The following GPATCH1 variants were observed in gnomAD, a reference collection of about 807,000 sequenced individuals.
The protein encoded by GPATCH1 is G patch domain-containing protein 1.
A neutral mutation model predicts 114.9 loss-of-function variants in GPATCH1; 73 were observed. The observed-to-expected ratio is 0.64, with a 90% confidence interval of 0.53 to 0.77. The LOEUF is 0.77. GPATCH1 is among the 30% of genes least tolerant of loss of function. The probability of loss-of-function intolerance (pLI) is 0.00; values close to 1 mark genes in which losing one functional copy is unlikely to be tolerated. For missense variants in GPATCH1, 1,058 were observed against 1,144.3 expected (o/e 0.92, Z 1.09); for synonymous variants, 391 against 428.4 (o/e 0.91, Z 1.08).
intron 14 of GPATCH1, 98 bp downstream of exon 14, chr19:33,114,001 A>G: frequency 9.4e-7 from 1 of 1,063,202 alleles, no homozygotes; most frequent in Non-Finnish European, 1.4e-6. Flanking sequence ...TAACAATGTG[A>G]ATGGTGCATA....
chr19:33,098,448 GA>G (rs1019905325), intron 8 of GPATCH1, among the ~76,000 whole-genome samples: 22 of 152,218 alleles, frequency 1.4e-4, no homozygotes, highest in Non-Finnish European at 3.1e-4. Flanking sequence ...ATTTCAAGGT[GA>G]ATCAGATCCT....
At chr19:33,111,385 G>GAA (rs10709432) in intron 11 of GPATCH1, among the ~76,000 whole-genome samples, 22 of 88,030 alleles carry the variant, frequency 2.5e-4, no homozygotes, top group Non-Finnish European at 3.5e-4. Context: ...CTCCATCTCA[G>GAA]AAAAAAAAAA....
intron 9 of GPATCH1, among the ~76,000 whole-genome samples, chr19:33,103,172 G>A (rs1478188924): frequency 6.6e-6 from 1 of 152,182 alleles, no homozygotes; most frequent in Non-Finnish European, 1.5e-5. Flanking sequence ...GCTTTAATCA[G>A]CTTTTTGTTT....
intron 10 of GPATCH1, among the ~76,000 whole-genome samples, chr19:33,107,951 T>C (rs1026675292): frequency 6.6e-6 from 1 of 152,122 alleles, no homozygotes; most frequent in African/African-American, 2.4e-5. Context: ...GCTGCACCTA[T>C]TAACTCGTCA....
At chr19:33,113,938 A>C in intron 14 of GPATCH1, 35 bp downstream of exon 14, 2 of 1,603,236 alleles carry the variant, frequency 1.2e-6, no homozygotes, top group African/African-American at 1.3e-5. Flanking sequence ...CTGATTGACC[A>C]GGGCCTCAAC....
intron 8 of GPATCH1, among the ~76,000 whole-genome samples, chr19:33,099,558 A>C (rs1186845047): frequency 2.0e-5 from 3 of 151,224 alleles, no homozygotes; most frequent in Non-Finnish European, 2.9e-5. Context: ...CGGTGAATCT[A>C]TCTTTATTTT....
intron 15 of GPATCH1, among the ~76,000 whole-genome samples, chr19:33,115,789 C>T (rs1029033653): frequency 1.3e-5 from 2 of 152,162 alleles, no homozygotes; most frequent in Non-Finnish European, 2.9e-5. Flanking sequence ...GCCACCGCGC[C>T]TGGCTAAAGT....
At chr19:33,127,566 G>C (rs1333055150) in intron 19 of GPATCH1, among the ~76,000 whole-genome samples, 2 of 150,848 alleles carry the variant, frequency 1.3e-5, no homozygotes, top group Non-Finnish European at 3.0e-5. Flanking sequence ...TACAGCCAAT[G>C]CTTAAAGGAG....
rs985487841 is a variant in GPATCH1 at position 33,091,243 on chromosome 19, C to G, written c.294+378C>G. 2.6e-5 allele frequency among the ~76,000 whole-genome samples: 4 copies of G among 151,850 alleles called. No homozygotes were observed. The South Asian group carries it at 8.3e-4, about 32-fold the overall frequency. ...TGGCTAACACGGTGAAACCCCGTCT[C>G]TACTAAACAAAATACAAAAAATTAG... On this transcript the variant is annotated intron_variant, in intron 3 of 19. Transcript: ENST00000170564.
rs756077780 is a variant in GPATCH1 at position 33,109,679 on chromosome 19, G to A, written c.1286-38G>A. On this transcript the variant is annotated intron_variant, in intron 10 of 19. Transcript: ENST00000170564. Reference sequence around the variant, plus strand: ...AGAAACGTAAATGTGGTTGTCTCATGGCTCTTTTCATCTCTTCTAATTACT... The same window carrying A: ...AGAAACGTAAATGTGGTTGTCTCATAGCTCTTTTCATCTCTTCTAATTACT... 8.2e-6 allele frequency: 11 copies of A among 1,333,804 alleles called. No individual in the cohort carries two copies. In the Admixed American group the frequency reaches 2.6e-4, roughly 31 times the overall value. 82.6% of individuals were successfully genotyped at this position (1,333,804 alleles called of 1,614,324 possible).
chr19:33,099,927 C>T (rs957702810), intron 8 of GPATCH1, among the ~76,000 whole-genome samples: 3 of 151,824 alleles, frequency 2.0e-5, no homozygotes, highest in Admixed American at 6.6e-5. Context: ...CCTGCTACCA[C>T]GCCCAGCTAA....
intron 1 of GPATCH1, among the ~76,000 whole-genome samples, chr19:33,083,090 A>G (rs1972496087): frequency 7.0e-6 from 1 of 142,636 alleles, no homozygotes; most frequent in Non-Finnish European, 1.5e-5. Context: ...TACAAAAAAA[A>G]ATTAGCTGGG....
chr19:33,098,521 C>T (rs148617605), intron 8 of GPATCH1, among the ~76,000 whole-genome samples: 96 of 151,426 alleles, frequency 6.3e-4, no homozygotes, highest in African/African-American at 2.3e-3. Context: ...AGTGTAGAGT[C>T]GGTATTAGCA....
chr19:33,092,070 GGAGTTTT>G (rs1972602863), intron 3 of GPATCH1, among the ~76,000 whole-genome samples: 1 of 151,042 alleles, frequency 6.6e-6, no homozygotes, highest in East Asian at 1.9e-4. Flanking sequence ...TTCCTGAGAC[GGAGTTTT>G]GCTCTGTTGC....
At chr19:33,124,293 G>C (rs1973016945) in intron 17 of GPATCH1, among the ~76,000 whole-genome samples, 1 of 152,102 alleles carries the variant, frequency 6.6e-6, no homozygotes, top group African/African-American at 2.4e-5. Flanking sequence ...GAGAATTGAG[G>C]CACATGCAAA....
intron 15 of GPATCH1, 123 bp downstream of exon 15, chr19:33,114,542 A>C: frequency 1.4e-6 from 1 of 739,584 alleles, no homozygotes; most frequent in Non-Finnish European, 2.1e-6. Context: ...TTTCCCCTTA[A>C]AGGCCATTTG....
chr19:33,107,945 C>A (rs7249983), intron 10 of GPATCH1, among the ~76,000 whole-genome samples: 61,679 of 151,716 alleles, frequency 0.41, 15,759 homozygotes, highest in African/African-American at 0.71. Context: ...TCGTGTGCTG[C>A]ACCTATTAAC....
intron 9 of GPATCH1, among the ~76,000 whole-genome samples, chr19:33,105,249 T>A (rs1972770124): frequency 6.6e-6 from 1 of 151,282 alleles, no homozygotes; most frequent in Non-Finnish European, 1.5e-5. Flanking sequence ...CTGGCCAACA[T>A]GGTGAAACCC....
At chr19:33,110,275 A>G (rs1403506424) in intron 11 of GPATCH1, among the ~76,000 whole-genome samples, 1 of 151,868 alleles carries the variant, frequency 6.6e-6, no homozygotes, top group Non-Finnish European at 1.5e-5. Flanking sequence ...GCCGGTACTT[A>G]CAGGCCGTTT....
Sources: gnomAD v4.1 joint callset for allele counts (sites outside exome capture counted in the v4.1 genomes callset) on GRCh38, gnomAD v4.1.1 for gene constraint, MANE v1.5 for transcripts, NCBI Gene and HGNC (gene_info 2026-07-23, HGNC 2026-07-21) for gene names.